NOTCH2NLC: variants seen among roughly 807,000 people sequenced by gnomAD.
NOTCH2NLC encodes the protein notch homolog 2 N-terminal-like protein C.
A neutral mutation model predicts 17.7 loss-of-function variants in NOTCH2NLC; 4 were observed. That is an observed-to-expected ratio of 0.23 (90% CI 0.11 to 0.52). NOTCH2NLC has a LOEUF of 0.52. Among genes scored for constraint, NOTCH2NLC ranks in the 20% least tolerant of loss-of-function variants. The probability of loss-of-function intolerance (pLI) is 0.96; values close to 1 mark genes in which losing one functional copy is unlikely to be tolerated. For synonymous variants in NOTCH2NLC, 18 were observed against 86.0 expected (o/e 0.21, Z 4.38); for missense variants, 57 against 207.2 (o/e 0.28, Z 4.45).
At position 149,460,417 on chromosome 1, in the gene NOTCH2NLC, C is replaced by A. The variant is rs1363688583; in HGVS notation, c.470-3074C>A. ...TGCAGGGCGCAATCTCGGTTCACTG[C>A]AAGCTCCACCTCCCGGGTTCACGCC... On this transcript the variant is annotated intron_variant, in intron 3 of 4. Transcript: ENST00000650865. Among the ~76,000 whole-genome samples the A allele has an allele frequency of 2.0e-4, 29 of 142,452 alleles. 1 individual carries two copies. The highest frequency in any genetic ancestry group is 6.5e-4 in the African/African-American group (25 of 38,630). The allele number at this position is 142,452 out of a possible 152,430, so 93.5% of individuals were successfully genotyped here.
rs1448963008 is a variant in NOTCH2NLC at position 149,469,967 on chromosome 1, CTATTTT to C, written c.*5817_*5822del. Among the ~76,000 whole-genome samples the C allele has an allele frequency of 1.3e-5, 2 of 151,792 alleles. No homozygotes were observed. The highest frequency in any genetic ancestry group is 2.9e-5 in the Non-Finnish European group (2 of 67,830). On this transcript the variant is annotated 3_prime_UTR_variant, in exon 5 of 5. Coordinates refer to ENST00000650865, the MANE Select transcript of NOTCH2NLC (RefSeq NM_001364013.2). ...TCTTTCCAAAGAGAATTCTGTATCT[CTATTTT>C]TAAAGCATAAATCCTGTCAACTTTG...
chr1:149,460,899 CT>C (rs1559611433), intron 3 of NOTCH2NLC, among the ~76,000 whole-genome samples: 2 of 124,514 alleles, frequency 1.6e-5, no homozygotes, highest in Non-Finnish European at 3.6e-5. Context: ...TTCTTTCTTT[CT>C]TTCTTTCTTT....
chr1:149,449,895 C>T (rs2084581830), intron 2 of NOTCH2NLC, among the ~76,000 whole-genome samples: 1 of 149,618 alleles, frequency 6.7e-6, no homozygotes, highest in Non-Finnish European at 1.5e-5. Context: ...TAATATGTGG[C>T]CTTTTGTGTG....
At chr1:149,417,894 T>C (rs1213226812) in intron 1 of NOTCH2NLC, among the ~76,000 whole-genome samples, 1 of 150,696 alleles carries the variant, frequency 6.6e-6, no homozygotes, top group Non-Finnish European at 1.5e-5. Flanking sequence ...TGCCTGTTAC[T>C]CTCATTTTAC....
chr1:149,442,161 A>G (rs1414451338), intron 2 of NOTCH2NLC, among the ~76,000 whole-genome samples: 5 of 149,842 alleles, frequency 3.3e-5, no homozygotes, highest in Non-Finnish European at 6.0e-5. Context: ...GTTGTTTGGG[A>G]TAGAAGATGG....
chr1:149,402,165 C>T (rs1368330779), intron 1 of NOTCH2NLC, among the ~76,000 whole-genome samples: 2 of 150,682 alleles, frequency 1.3e-5, no homozygotes, highest in East Asian at 3.9e-4. Context: ...CCGCAACCTC[C>T]ACCTCCCGGG....
At chr1:149,439,845 TC>T (rs2101495783) in intron 2 of NOTCH2NLC, among the ~76,000 whole-genome samples, 1 of 148,500 alleles carries the variant, frequency 6.7e-6, no homozygotes, top group East Asian at 2.1e-4. Context: ...ATTCTTAGAC[TC>T]CATCAGCCTT....
At chr1:149,408,533 T>G in intron 1 of NOTCH2NLC, among the ~76,000 whole-genome samples, 1 of 150,172 alleles carries the variant, frequency 6.7e-6, no homozygotes, top group Non-Finnish European at 1.5e-5. Context: ...TGTTTTGTTA[T>G]GGTAGTTTTA....
At chr1:149,409,309 A>T (rs1263539144) in intron 1 of NOTCH2NLC, among the ~76,000 whole-genome samples, 1 of 148,056 alleles carries the variant, frequency 6.8e-6, no homozygotes. Flanking sequence ...CTCTGATTTA[A>T]CTCTGTGTGT....
intron 1 of NOTCH2NLC, among the ~76,000 whole-genome samples, chr1:149,393,263 G>T (rs2084185752): frequency 1.3e-5 from 2 of 150,470 alleles, no homozygotes; most frequent in Non-Finnish European, 3.0e-5. Context: ...TGACTCAAAG[G>T]ATAGGATTTA....
At chr1:149,437,027 A>G (rs2084486391) in intron 2 of NOTCH2NLC, among the ~76,000 whole-genome samples, 1 of 113,776 alleles carries the variant, frequency 8.8e-6, no homozygotes, top group South Asian at 3.3e-4. Flanking sequence ...GCAGTTAATC[A>G]ATATTGTTAT....
rs1312968746 is a variant in NOTCH2NLC, at chr1:149,413,820, G to C, written c.136-17122G>C. On this transcript the variant is annotated intron_variant, in intron 1 of 4. Coordinates refer to ENST00000650865, the MANE Select transcript of NOTCH2NLC (RefSeq NM_001364013.2). Reference sequence around the variant, plus strand: ...TAGTATATTGCTGATTTGGATCAGGGGCCAGGCTGTAGATTTTCAGCATGG... The same window carrying C: ...TAGTATATTGCTGATTTGGATCAGGCGCCAGGCTGTAGATTTTCAGCATGG... Among the ~76,000 whole-genome samples, 23 of 151,098 alleles carry C rather than the reference G, an allele frequency of 1.5e-4. 2 individuals are homozygous for C. The highest frequency in any genetic ancestry group is 1.5e-3 in the Admixed American group (23 of 15,180).
At chr1:149,409,438 A>G (rs2084287064) in intron 1 of NOTCH2NLC, among the ~76,000 whole-genome samples, 1 of 150,174 alleles carries the variant, frequency 6.7e-6, no homozygotes, top group African/African-American at 2.4e-5. Context: ...ATAGCTGTCC[A>G]GAATGCTGCA....
intron 2 of NOTCH2NLC, among the ~76,000 whole-genome samples, chr1:149,436,800 G>A (rs1220821007): frequency 7.1e-6 from 1 of 141,720 alleles, no homozygotes; most frequent in Non-Finnish European, 1.6e-5. Context: ...AGTTTTTCTG[G>A]AAAATGATAG....
chr1:149,414,897 T>C (rs2084325502), intron 1 of NOTCH2NLC, among the ~76,000 whole-genome samples: 1 of 138,632 alleles, frequency 7.2e-6, no homozygotes, highest in African/African-American at 2.6e-5. Flanking sequence ...ATTAAAAAAC[T>C]GTATCCTTGA....
At chr1:149,427,099 A>G (rs2101485709) in intron 1 of NOTCH2NLC, among the ~76,000 whole-genome samples, 1 of 151,558 alleles carries the variant, frequency 6.6e-6, no homozygotes, top group South Asian at 2.1e-4. Context: ...GAACAATTAA[A>G]AGGTAGTTAG....
At chr1:149,437,170 G>T (rs1570913320) in intron 2 of NOTCH2NLC, among the ~76,000 whole-genome samples, 1 of 145,156 alleles carries the variant, frequency 6.9e-6, no homozygotes, top group African/African-American at 2.6e-5. Context: ...TACAGGGGCT[G>T]CCAGTGAATG....
chr1:149,412,251 A>G (rs2084302202), intron 1 of NOTCH2NLC, among the ~76,000 whole-genome samples: 1 of 149,068 alleles, frequency 6.7e-6, no homozygotes, highest in Non-Finnish European at 1.5e-5. Flanking sequence ...GGGTCATGAA[A>G]CCAATTTGGT....
At chr1:149,445,758 C>T (rs1489354436) in intron 2 of NOTCH2NLC, among the ~76,000 whole-genome samples, 36 of 150,152 alleles carry the variant, frequency 2.4e-4, no homozygotes, top group African/African-American at 7.1e-4. Context: ...TTTTCCCCTT[C>T]GTTCCACATT....
Sources: gnomAD v4.1 joint callset for allele counts (sites outside exome capture counted in the v4.1 genomes callset) on GRCh38, gnomAD v4.1.1 for gene constraint, MANE v1.5 for transcripts, NCBI Gene and HGNC (gene_info 2026-07-23, HGNC 2026-07-21) for gene names.